The following RBFOX1 variants were observed in gnomAD, a reference collection of about 807,000 sequenced individuals.
RBFOX1 encodes the protein RNA binding protein fox-1 homolog 1.
Under a neutral mutation model 57.7 loss-of-function variants are expected in RBFOX1, and 8 were observed. The ratio of observed to expected loss-of-function variants is 0.14; its 90% CI spans 0.08 to 0.25. The LOEUF (loss-of-function observed/expected upper bound fraction) is 0.25, where lower values mean the gene tolerates loss of function less well. RBFOX1 is among the 10% of genes least tolerant of loss of function. The pLI is 1.00. For synonymous variants in RBFOX1, 326 were observed against 222.4 expected (o/e 1.47, Z -4.15); for missense variants, 611 against 548.5 (o/e 1.11, Z -1.14).
At chr16:6,703,660 C>G (rs1249862275) in intron 3 of RBFOX1, among the ~76,000 whole-genome samples, 1 of 151,960 alleles carries the variant, frequency 6.6e-6, no homozygotes, top group Non-Finnish European at 1.5e-5. Flanking sequence ...TGAGCCATAG[C>G]TGAGCCACTG....
downstream of RBFOX1, among the ~76,000 whole-genome samples, chr16:5,604,282 G>A (rs1373467142): frequency 2.0e-5 from 3 of 152,222 alleles, no homozygotes; most frequent in East Asian, 5.8e-4. Context: ...ATTGGTCATA[G>A]GTCTGGACAC....
At chr16:6,418,615 C>A (rs1567229852) in intron 2 of RBFOX1, among the ~76,000 whole-genome samples, 1 of 149,382 alleles carries the variant, frequency 6.7e-6, no homozygotes, top group Non-Finnish European at 1.5e-5. Context: ...CCTCTAACTC[C>A]TGGGTTCAAG....
At chr16:6,061,072 C>G (rs1424118) in intron 1 of RBFOX1, among the ~76,000 whole-genome samples, 120,339 of 151,746 alleles carry the variant, frequency 0.79, 47,889 homozygotes, top group Non-Finnish European at 0.82. Flanking sequence ...TTCATTTACA[C>G]TTACTGACAA....
chr16:5,562,948 G>A (rs1490348100), intron 2 of RBFOX1, among the ~76,000 whole-genome samples: 3 of 152,064 alleles, frequency 2.0e-5, no homozygotes, highest in African/African-American at 7.2e-5. Flanking sequence ...GTAAAATAGG[G>A]CTGTATTATT....
intron 2 of RBFOX1, among the ~76,000 whole-genome samples, chr16:6,598,019 T>G (rs973879330): frequency 4.6e-5 from 7 of 152,222 alleles, no homozygotes; most frequent in African/African-American, 1.7e-4. Context: ...GAATTCTTAT[T>G]TAAGACAAAA....
intron 1 of RBFOX1, among the ~76,000 whole-genome samples, chr16:5,306,932 C>G (rs537582874): frequency 1.3e-4 from 20 of 152,292 alleles, no homozygotes; most frequent in African/African-American, 4.6e-4. Flanking sequence ...AAGCAGCAGC[C>G]AGTGGGGGTG....
chr16:6,615,767 C>G (rs144180829), intron 2 of RBFOX1, among the ~76,000 whole-genome samples: 1 of 152,236 alleles, frequency 6.6e-6, no homozygotes, highest in African/African-American at 2.4e-5. Flanking sequence ...TTTTCTCATG[C>G]ACGTGAGAAG....
chr16:7,236,144 A>G (rs1057016056), intron 4 of RBFOX1, among the ~76,000 whole-genome samples: 2 of 152,186 alleles, frequency 1.3e-5, no homozygotes, highest in South Asian at 4.1e-4. Flanking sequence ...TATCCTGCTC[A>G]CCTAAACATT....
intron 3 of RBFOX1, among the ~76,000 whole-genome samples, chr16:6,751,463 G>A (rs889198697): frequency 1.3e-5 from 2 of 152,148 alleles, no homozygotes; most frequent in African/African-American, 2.4e-5. Flanking sequence ...TGAACATCCT[G>A]ACTTCCTATG....
rs185572392 is a variant in RBFOX1, at chr16:6,565,551, C to T, written c.-63-89052C>T. Among the ~76,000 whole-genome samples, 122 of 151,862 alleles carry T rather than the reference C, an allele frequency of 8.0e-4. 2 individuals are homozygous for T. Among genetic ancestry groups the T allele is most frequent in the Non-Finnish European group, 2.8e-4 (19 of 67,968 alleles). On this transcript the variant is annotated intron_variant, in intron 2 of 15. Coordinates refer to ENST00000550418, the MANE Select transcript of RBFOX1 (RefSeq NM_018723.4). The stretch of plus-strand genomic sequence containing the variant: ...GGATTACAGGTGTGAGTCACTGCGC[C>T]CAGCTCCCAGATTCAAGCCGATTCT...
At chr16:6,303,205 A>G (rs2079028224) in intron 1 of RBFOX1, among the ~76,000 whole-genome samples, 2 of 152,218 alleles carry the variant, frequency 1.3e-5, no homozygotes, top group African/African-American at 4.8e-5. Context: ...CTCTCTGAAG[A>G]AAATATGATG....
At chr16:5,340,865 G>A (rs1211285395) in intron 1 of RBFOX1, among the ~76,000 whole-genome samples, 1 of 152,178 alleles carries the variant, frequency 6.6e-6, no homozygotes, top group African/African-American at 2.4e-5. Context: ...GTTCCAGACA[G>A]TGATGAGGAC....
intron 4 of RBFOX1, among the ~76,000 whole-genome samples, chr16:5,989,778 C>G (rs1040733748): frequency 6.6e-6 from 1 of 151,386 alleles, no homozygotes; most frequent in African/African-American, 2.4e-5. Flanking sequence ...TGGGCTAAGT[C>G]ATCCAGGTAG....
intron 2 of RBFOX1, among the ~76,000 whole-genome samples, chr16:5,525,491 A>ATTTTTTTTTTT (rs71404528): frequency 1.4e-4 from 11 of 78,270 alleles, no homozygotes; most frequent in African/African-American, 4.9e-4. Flanking sequence ...AGCCGACACT[A>ATTTTTTTTTTT]TTTTTTTTTT....
intron 11 of RBFOX1, among the ~76,000 whole-genome samples, chr16:7,638,110 AC>A (rs1403657546): frequency 6.6e-6 from 1 of 151,666 alleles, no homozygotes; most frequent in African/African-American, 2.4e-5. Context: ...CCTCCCTTCC[AC>A]CCCCCACTTA....
chr16:7,141,456 C>G (rs1405391219), intron 4 of RBFOX1, among the ~76,000 whole-genome samples: 1 of 152,080 alleles, frequency 6.6e-6, no homozygotes, highest in East Asian at 1.9e-4. Flanking sequence ...CAGGTGTGCT[C>G]TAAGGGGAAA....
At chr16:6,761,776 A>T (rs943540567) in intron 3 of RBFOX1, among the ~76,000 whole-genome samples, 13 of 151,864 alleles carry the variant, frequency 8.6e-5, no homozygotes, top group African/African-American at 2.9e-4. Flanking sequence ...AAGTGCTGGG[A>T]TTACAGGCAT....
chr16:7,134,742 G>A (rs2071443619), intron 4 of RBFOX1, among the ~76,000 whole-genome samples: 1 of 152,278 alleles, frequency 6.6e-6, no homozygotes, highest in Middle Eastern at 3.4e-3. Context: ...TGTTGCTGCT[G>A]CTGTAGATGG....
chr16:6,238,565 T>C (rs2152921778), intron 1 of RBFOX1, among the ~76,000 whole-genome samples: 1 of 152,304 alleles, frequency 6.6e-6, no homozygotes, highest in Non-Finnish European at 1.5e-5. Context: ...TCATTAAGTA[T>C]GTATTAGTGA....
Sources: gnomAD v4.1 joint callset for allele counts (sites outside exome capture counted in the v4.1 genomes callset) on GRCh38, gnomAD v4.1.1 for gene constraint, MANE v1.5 for transcripts, NCBI Gene and HGNC (gene_info 2026-07-23, HGNC 2026-07-21) for gene names.